CCSER1: variants seen among roughly 807,000 people sequenced by gnomAD.
The protein encoded by CCSER1 is serine-rich coiled-coil domain-containing protein 1.
A neutral mutation model predicts 82.0 loss-of-function variants in CCSER1; 41 were observed. That is an observed-to-expected ratio of 0.50 (90% confidence interval 0.39 to 0.65). CCSER1 has a LOEUF of 0.65. Ranked by LOEUF, CCSER1 falls within the 30% of genes least tolerant of loss-of-function variation. CCSER1 has a pLI of 0.00. For missense variants in CCSER1, 1,119 were observed against 1,064.2 expected (o/e 1.05, Z -0.72); for synonymous variants, 414 against 383.9 (o/e 1.08, Z -0.92).
intron 9 of CCSER1, among the ~76,000 whole-genome samples, chr4:91,033,379 A>G (rs1741151475): frequency 1.3e-5 from 2 of 151,936 alleles, no homozygotes; most frequent in Non-Finnish European, 2.9e-5. Context: ...TGCAGCAGGG[A>G]AAAAGGGTAG....
chr4:91,057,899 A>G (rs1384407138), intron 9 of CCSER1, among the ~76,000 whole-genome samples: 4 of 152,280 alleles, frequency 2.6e-5, no homozygotes, highest in Admixed American at 6.5e-5. Flanking sequence ...CATAAAACCT[A>G]TATAAGGTTA....
At chr4:91,047,738 T>C (rs142064806) in intron 9 of CCSER1, among the ~76,000 whole-genome samples, 1 of 152,302 alleles carries the variant, frequency 6.6e-6, no homozygotes, top group Non-Finnish European at 1.5e-5. Context: ...AGAGGCCATT[T>C]TCAGACGTAG....
chr4:90,605,211 C>A (rs144104580), intron 5 of CCSER1, among the ~76,000 whole-genome samples: 1 of 152,146 alleles, frequency 6.6e-6, no homozygotes, highest in African/African-American at 2.4e-5. Flanking sequence ...CCGGACATAG[C>A]ATCTTTAAGA....
chr4:91,122,292 G>T (rs910108452), intron 10 of CCSER1, among the ~76,000 whole-genome samples: 3 of 151,756 alleles, frequency 2.0e-5, no homozygotes, highest in African/African-American at 7.2e-5. Flanking sequence ...CGTAGATACA[G>T]AAATAATTCT....
At chr4:91,532,434 A>T (rs1761082795) in intron 10 of CCSER1, among the ~76,000 whole-genome samples, 2 of 152,218 alleles carry the variant, frequency 1.3e-5, no homozygotes, top group African/African-American at 4.8e-5. Flanking sequence ...TTATTATCCC[A>T]TCTGCACTAT....
chr4:91,354,742 G>T (rs1327633460), intron 10 of CCSER1, among the ~76,000 whole-genome samples: 1 of 152,138 alleles, frequency 6.6e-6, no homozygotes, highest in Non-Finnish European at 1.5e-5. Context: ...ACTAATTATT[G>T]GGCTTCCCAT....
At chr4:91,598,395 T>C (rs1389960377) in intron 10 of CCSER1, among the ~76,000 whole-genome samples, 177 bp from the exon 11 acceptor site, 1 of 152,138 alleles carries the variant, frequency 6.6e-6, no homozygotes, top group African/African-American at 2.4e-5. Flanking sequence ...TTAATCACTA[T>C]CTGTAATAGT....
chr4:90,822,478 C>G (rs887474219), intron 8 of CCSER1, among the ~76,000 whole-genome samples: 3 of 152,156 alleles, frequency 2.0e-5, no homozygotes, highest in Non-Finnish European at 4.4e-5. Flanking sequence ...CCTGTAATCC[C>G]AGCACGTTGG....
intron 1 of CCSER1, among the ~76,000 whole-genome samples, chr4:90,205,785 T>C (rs1738694407): frequency 1.3e-5 from 2 of 152,210 alleles, no homozygotes; most frequent in Admixed American, 1.3e-4. Flanking sequence ...CCAGCTCCTC[T>C]TTGTACTTCT....
intron 1 of CCSER1, among the ~76,000 whole-genome samples, chr4:90,138,132 A>G (rs1022156144): frequency 1.3e-5 from 2 of 152,178 alleles, no homozygotes; most frequent in African/African-American, 4.8e-5. Context: ...AAAGATACTC[A>G]GTATGGAAGT....
At chr4:90,342,380 G>C (rs1741542862) in intron 3 of CCSER1, among the ~76,000 whole-genome samples, 1 of 152,010 alleles carries the variant, frequency 6.6e-6, no homozygotes, top group Non-Finnish European at 1.5e-5. Flanking sequence ...GCTCTCCATA[G>C]CTCACTGTTA....
At chr4:91,448,465 T>C (rs1669664252) in intron 10 of CCSER1, among the ~76,000 whole-genome samples, 1 of 152,072 alleles carries the variant, frequency 6.6e-6, no homozygotes, top group African/African-American at 2.4e-5. Flanking sequence ...CATATTTGGA[T>C]AGATAATGTT....
intron 10 of CCSER1, among the ~76,000 whole-genome samples, chr4:91,301,666 A>T (rs1240362170): frequency 6.6e-6 from 1 of 151,850 alleles, no homozygotes. Flanking sequence ...AATGGCAGTT[A>T]TCTTCACTTT....
At chr4:91,498,216 C>A (rs1224830941) in intron 10 of CCSER1, among the ~76,000 whole-genome samples, 1 of 151,918 alleles carries the variant, frequency 6.6e-6, no homozygotes, top group East Asian at 1.9e-4. Flanking sequence ...TGAAGAAAAT[C>A]AGTAAAAGAA....
intron 10 of CCSER1, among the ~76,000 whole-genome samples, chr4:91,572,909 G>A (rs1011298087): frequency 6.6e-6 from 1 of 151,888 alleles, no homozygotes; most frequent in Non-Finnish European, 1.5e-5. Context: ...ACTCTTCAAA[G>A]CCTAGAGGCT....
At chr4:90,674,887 A>T (rs1733539299) in intron 6 of CCSER1, among the ~76,000 whole-genome samples, 1 of 151,878 alleles carries the variant, frequency 6.6e-6, no homozygotes, top group African/African-American at 2.4e-5. Flanking sequence ...GACCCTCCTG[A>T]CCCAGGAGGA....
At chr4:90,593,377 A>T (rs1782939255) in intron 5 of CCSER1, among the ~76,000 whole-genome samples, 1 of 152,150 alleles carries the variant, frequency 6.6e-6, no homozygotes, top group Non-Finnish European at 1.5e-5. Flanking sequence ...ATGAAGCAAC[A>T]AAAGCAGAGA....
At chr4:91,448,718 AT>A (rs1755708503) in intron 10 of CCSER1, among the ~76,000 whole-genome samples, 2 of 152,232 alleles carry the variant, frequency 1.3e-5, no homozygotes, top group South Asian at 4.1e-4. Flanking sequence ...GCCATATATT[AT>A]GTGCCAAGAT....
chr4:90,145,009 T>C (rs1408467476), intron 1 of CCSER1, among the ~76,000 whole-genome samples: 1 of 152,154 alleles, frequency 6.6e-6, no homozygotes, highest in African/African-American at 2.4e-5. Flanking sequence ...CAATCTATTT[T>C]CTGGCTACCT....
Sources: allele counts gnomAD v4.1 joint callset (sites outside exome capture counted in the v4.1 genomes callset), GRCh38; gene constraint gnomAD v4.1.1; transcripts MANE v1.5; gene names NCBI Gene and HGNC (gene_info 2026-07-23, HGNC 2026-07-21).